The following MIGA1 variants were observed in gnomAD, a reference collection of about 807,000 sequenced individuals.
The protein encoded by MIGA1 is family with sequence similarity 73, member A.
MIGA1 carries 58 observed loss-of-function variants against 82.0 expected under a neutral mutation model. The ratio of observed to expected loss-of-function variants is 0.71; its 90% confidence interval spans 0.57 to 0.88. The LOEUF (loss-of-function observed/expected upper bound fraction) is 0.88, where lower values mean the gene tolerates loss of function less well. Among genes scored for constraint, MIGA1 ranks in the 40% least tolerant of loss-of-function variants. The pLI, the probability that MIGA1 is intolerant of heterozygous loss-of-function variation, is 0.00. For missense variants in MIGA1, 751 were observed against 749.1 expected (o/e 1.00, Z -0.03); for synonymous variants, 249 against 253.6 (o/e 0.98, Z 0.17).
At chr1:77,840,668 C>T (rs1246614358) in intron 7 of MIGA1, among the ~76,000 whole-genome samples, 3 of 151,946 alleles carry the variant, frequency 2.0e-5, no homozygotes, top group East Asian at 1.9e-4. Flanking sequence ...CAAAATTAGC[C>T]GGGCGTGGTG....
chr1:77,791,825 A>G (rs1349414379), intron 2 of MIGA1, among the ~76,000 whole-genome samples: 1 of 152,060 alleles, frequency 6.6e-6, no homozygotes, highest in African/African-American at 2.4e-5. Context: ...CAGCCTCCCA[A>G]AGTGGTGGGA....
At chr1:77,801,250 G>A (rs1284186917) in intron 2 of MIGA1, 81 bp from the exon 3 acceptor site, 1 of 956,226 alleles carries the variant, frequency 1.0e-6, no homozygotes, top group Non-Finnish European at 1.5e-6. Context: ...GTTAGATTAA[G>A]AGTAAGTTTA....
chr1:77,784,809 A>G (rs967594066), intron 2 of MIGA1, among the ~76,000 whole-genome samples: 1 of 152,238 alleles, frequency 6.6e-6, no homozygotes, highest in Non-Finnish European at 1.5e-5. Context: ...GAGGTCTCAC[A>G]ATCATGGTGG....
intron 8 of MIGA1, among the ~76,000 whole-genome samples, chr1:77,855,320 G>A (rs754020644): frequency 5.3e-5 from 8 of 152,130 alleles, no homozygotes; most frequent in Non-Finnish European, 1.0e-4. Context: ...TTTGAAATCA[G>A]GTCGTGTGAT....
intron 2 of MIGA1, among the ~76,000 whole-genome samples, chr1:77,786,347 C>A (rs1682161097): frequency 6.6e-6 from 1 of 152,204 alleles, no homozygotes; most frequent in Admixed American, 6.5e-5. Context: ...AGACATTTTC[C>A]CCATTATCTT....
chr1:77,858,862 C>G lies in MIGA1; in HGVS notation c.997-76C>G, dbSNP rs2101934140. On this transcript the variant is annotated intron_variant, in intron 8 of 15. Transcript: ENST00000370791. ...TTCAAACTTCTGGGTTCAAATGATCCTCCCAAAGTGTTGCAATTACAGGCA... is the reference window on the plus strand; with the variant it reads ...TTCAAACTTCTGGGTTCAAATGATCGTCCCAAAGTGTTGCAATTACAGGCA... The G allele has an allele frequency of 3.8e-6, 3 of 786,880 alleles. No homozygotes were observed. The South Asian group carries it at 5.0e-5, about 13-fold the overall frequency. 48.7% of individuals were successfully genotyped at this position (786,880 alleles called of 1,614,324 possible).
intron 9 of MIGA1, 54 bp from the exon 10 acceptor site, chr1:77,859,260 G>A (rs1458516755): frequency 7.7e-6 from 11 of 1,421,424 alleles, no homozygotes; most frequent in Non-Finnish European, 9.9e-6. Flanking sequence ...CAAATTTATA[G>A]TAGGCTTGAT....
intron 8 of MIGA1, among the ~76,000 whole-genome samples, chr1:77,851,495 T>C (rs539473486): frequency 2.0e-5 from 3 of 152,312 alleles, no homozygotes; most frequent in African/African-American, 7.2e-5. Flanking sequence ...TTTTAAAACA[T>C]GTTTGGGAAT....
At chr1:77,817,908 C>T (rs904252215) in intron 7 of MIGA1, among the ~76,000 whole-genome samples, 1 of 150,114 alleles carries the variant, frequency 6.7e-6, no homozygotes, top group Non-Finnish European at 1.5e-5. Context: ...ATTTGATGAA[C>T]TTCATTTTTT....
At chr1:77,843,221 G>A in intron 7 of MIGA1, 86 bp from the exon 8 acceptor site, 2 of 966,696 alleles carry the variant, frequency 2.1e-6, no homozygotes, top group East Asian at 4.9e-5. Context: ...AAGACTGGGG[G>A]AAAAATCAAA....
rs757779594 is a variant in MIGA1, at chr1:77,858,925, A to G, written c.997-13A>G. ...CCTAGCCTGTATTCTGTTCTAACCC[A>G]CCGTGCTCTTAGCTTGCAGAACACA... On this transcript the variant is annotated splice_polypyrimidine_tract_variant and intron_variant, in intron 8 of 15. Coordinates refer to ENST00000370791, the MANE Select transcript of MIGA1 (RefSeq NM_198549.4). The G allele has an allele frequency of 6.7e-7, 1 of 1,492,550 alleles. No individual in the cohort carries two copies. The highest frequency in any genetic ancestry group is 1.1e-5 in the South Asian group (1 of 88,586). The allele number at this position is 1,492,550 out of a possible 1,614,324, so 92.5% of individuals were successfully genotyped here.
At chr1:77,869,065 T>C (rs1302696484) in intron 14 of MIGA1, among the ~76,000 whole-genome samples, 4 of 151,280 alleles carry the variant, frequency 2.6e-5, no homozygotes, top group East Asian at 3.9e-4. Context: ...AGGTCTCTGG[T>C]TTTCCTAGGC....
chr1:77,793,181 G>T (rs544140806), intron 2 of MIGA1, among the ~76,000 whole-genome samples: 3 of 152,118 alleles, frequency 2.0e-5, no homozygotes, highest in Admixed American at 6.5e-5. Context: ...TCGGCTCATT[G>T]TAGCCTCAAT....
Position 77,843,323 on chromosome 1 carries a change from C to T in MIGA1, c.912C>T (p.Ile304=). The T allele has an allele frequency of 6.2e-7, 1 of 1,612,450 alleles. No individual in the cohort carries two copies. The highest frequency in any genetic ancestry group is 1.1e-5 in the South Asian group (1 of 90,982). Reference sequence around the variant, plus strand: ...ACTTTTAAGATAAAGATACAGATATCACCATGAAGGGTAATGTGGAAGACT... The same window carrying T: ...ACTTTTAAGATAAAGATACAGATATTACCATGAAGGGTAATGTGGAAGACT... Residue 304 remains isoleucine, a synonymous_variant, in exon 8 of 16, where the codon ATC becomes ATT. Coordinates refer to ENST00000370791, the MANE Select transcript of MIGA1 (RefSeq NM_198549.4).
rs1557941695 is a variant in MIGA1, at chr1:77,872,989, T to C, written c.1564-15T>C. On this transcript the variant is annotated splice_polypyrimidine_tract_variant and intron_variant, in intron 14 of 15. Coordinates refer to ENST00000370791, the MANE Select transcript of MIGA1 (RefSeq NM_198549.4). ...GAAGGTAGAAGTAACTTGATTCTCC[T>C]TTACTTCCCAGCAGATCCCAGATGG... 1 of 1,613,452 alleles carries C rather than the reference T, an allele frequency of 6.2e-7. No homozygotes were observed. The highest frequency in any genetic ancestry group is 1.3e-5 in the African/African-American group (1 of 75,052).
chr1:77,869,686 CTGGG>C (rs1685837817), intron 14 of MIGA1, among the ~76,000 whole-genome samples: 1 of 123,560 alleles, frequency 8.1e-6, no homozygotes, highest in African/African-American at 3.2e-5. Context: ...GGGCGGCCGG[CTGGG>C]CGGGGGGCTG....
chr1:77,817,731 A>C (rs187897220), intron 7 of MIGA1, among the ~76,000 whole-genome samples: 1 of 152,190 alleles, frequency 6.6e-6, no homozygotes, highest in African/African-American at 2.4e-5. Context: ...CTCATTCTTT[A>C]AATCCAAAAT....
chr1:77,862,688 C>G (rs1272303357), intron 12 of MIGA1, among the ~76,000 whole-genome samples: 1 of 151,176 alleles, frequency 6.6e-6, no homozygotes. Flanking sequence ...GGAATGAAAT[C>G]CCAGCACTTT....
chr1:77,848,717 CTG>C, intron 8 of MIGA1: 2 of 1,534,946 alleles, frequency 1.3e-6, no homozygotes, highest in Non-Finnish European at 1.8e-6. Context: ...AACGAAGAAA[CTG>C]TAATGTCAGC....
Sources: gnomAD v4.1 joint callset for allele counts (sites outside exome capture counted in the v4.1 genomes callset) on GRCh38, gnomAD v4.1.1 for gene constraint, MANE v1.5 for transcripts, NCBI Gene and HGNC (gene_info 2026-07-23, HGNC 2026-07-21) for gene names.